AGBL4: variants seen among roughly 807,000 people sequenced by gnomAD.
AGBL4 encodes the protein cytosolic carboxypeptidase 6.
AGBL4 carries 58 observed loss-of-function variants against 66.4 expected under a neutral mutation model. The observed-to-expected ratio is 0.87, with a 90% CI of 0.71 to 1.09. The LOEUF (loss-of-function observed/expected upper bound fraction) is 1.09. AGBL4 is among the 50% of genes least tolerant of loss of function. AGBL4 has a pLI of 0.00. For missense variants in AGBL4, 579 were observed against 631.0 expected (o/e 0.92, Z 0.88); for synonymous variants, 234 against 222.9 (o/e 1.05, Z -0.44).
intron 3 of AGBL4, among the ~76,000 whole-genome samples, chr1:49,334,505 AC>A (rs1346833132): frequency 6.6e-6 from 1 of 152,234 alleles, no homozygotes; most frequent in African/African-American, 2.4e-5. Flanking sequence ...AATGGCAGGT[AC>A]TAAGAACTAC....
At chr1:48,757,305 CACT>C (rs1165899778) in intron 6 of AGBL4, among the ~76,000 whole-genome samples, 3 of 152,192 alleles carry the variant, frequency 2.0e-5, no homozygotes, top group African/African-American at 7.2e-5. Flanking sequence ...CCCCCATCAC[CACT>C]ACAAGAACAA....
intron 6 of AGBL4, among the ~76,000 whole-genome samples, chr1:48,735,333 C>A (rs1234203751): frequency 6.6e-6 from 1 of 152,002 alleles, no homozygotes; most frequent in South Asian, 2.1e-4. Flanking sequence ...GTGTCTTACC[C>A]CTCTTTGTGT....
At chr1:49,473,977 T>C (rs1278204063) in intron 3 of AGBL4, among the ~76,000 whole-genome samples, 1 of 152,072 alleles carries the variant, frequency 6.6e-6, no homozygotes, top group Admixed American at 6.6e-5. Flanking sequence ...TCTATTCAGT[T>C]ATGTTGATCT....
chr1:49,361,128 G>T (rs1245045019), intron 3 of AGBL4, among the ~76,000 whole-genome samples: 1 of 152,048 alleles, frequency 6.6e-6, no homozygotes, highest in Non-Finnish European at 1.5e-5. Flanking sequence ...TGAATAGTGG[G>T]TGTTTCACCT....
intron 3 of AGBL4, among the ~76,000 whole-genome samples, chr1:49,626,246 T>G (rs1156238430): frequency 6.6e-6 from 1 of 152,140 alleles, no homozygotes; most frequent in Admixed American, 6.5e-5. Context: ...TTTAGAAAGC[T>G]GTTACAGTGC....
chr1:49,729,925 G>A (rs1018282921), intron 2 of AGBL4, among the ~76,000 whole-genome samples: 1 of 152,150 alleles, frequency 6.6e-6, no homozygotes, highest in Admixed American at 6.5e-5. Context: ...AAAATGAGCT[G>A]AGCTGCCAGT....
At chr1:48,606,147 A>G (rs1645150720) in intron 9 of AGBL4, among the ~76,000 whole-genome samples, 1 of 152,062 alleles carries the variant, frequency 6.6e-6, no homozygotes, top group Non-Finnish European at 1.5e-5. Flanking sequence ...GGGAAATGAG[A>G]GATGAGAGAA....
At chr1:49,201,700 A>C (rs891884594) in intron 4 of AGBL4, among the ~76,000 whole-genome samples, 3 of 152,222 alleles carry the variant, frequency 2.0e-5, no homozygotes, top group Non-Finnish European at 4.4e-5. Context: ...TTGTTACCAA[A>C]TAAATTTGTT....
At chr1:49,763,895 G>A (rs1416678042) in intron 2 of AGBL4, among the ~76,000 whole-genome samples, 1 of 152,112 alleles carries the variant, frequency 6.6e-6, no homozygotes, top group Non-Finnish European at 1.5e-5. Flanking sequence ...CAGTCCTGAG[G>A]AGTGGCCAGA....
rs144469351 is a variant in AGBL4, at chr1:49,985,562, G to A, written c.34+38201C>T. ...TGCTTACTTGAGAAATTGATTTGTT[G>A]TTCTATAGATGAGAGATGGTTAAGA... is the stretch of plus-strand genomic sequence containing the variant. On this transcript the variant is annotated intron_variant, in intron 1 of 13. Coordinates refer to ENST00000371839, the MANE Select transcript of AGBL4 (RefSeq NM_032785.4). 4.3e-3 allele frequency among the ~76,000 whole-genome samples: 649 copies of A among 152,236 alleles called. 4 individuals are homozygous for A. Among genetic ancestry groups the A allele is most frequent in the Admixed American group, 0.014 (209 of 15,306 alleles).
intron 3 of AGBL4, among the ~76,000 whole-genome samples, chr1:49,603,709 C>A (rs1181406829): frequency 6.6e-6 from 1 of 151,896 alleles, no homozygotes; most frequent in African/African-American, 2.4e-5. Flanking sequence ...TTTCTACCTT[C>A]ACTCCCCTCC....
intron 4 of AGBL4, among the ~76,000 whole-genome samples, chr1:49,157,891 T>G (rs761709513): frequency 6.6e-6 from 1 of 152,242 alleles, no homozygotes; most frequent in Non-Finnish European, 1.5e-5. Flanking sequence ...TTGAGAAGTG[T>G]CTGTTCATAT....
chr1:48,773,705 G>A (rs1162222336), intron 6 of AGBL4, among the ~76,000 whole-genome samples: 1 of 152,148 alleles, frequency 6.6e-6, no homozygotes, highest in Non-Finnish European at 1.5e-5. Flanking sequence ...CTGCCAAGTG[G>A]GGGCCTGGCA....
intron 4 of AGBL4, among the ~76,000 whole-genome samples, chr1:49,162,829 A>G (rs1569888355): frequency 6.6e-6 from 1 of 152,186 alleles, no homozygotes; most frequent in African/African-American, 2.4e-5. Context: ...GTAAGCTGAT[A>G]TATATTTTAA....
At chr1:49,930,073 G>A (rs1294623942) in intron 1 of AGBL4, among the ~76,000 whole-genome samples, 3 of 151,862 alleles carry the variant, frequency 2.0e-5, no homozygotes, top group African/African-American at 4.8e-5. Flanking sequence ...TTCACATGGT[G>A]ATCAATAATA....
At chr1:49,424,234 C>G (rs12125425) in intron 3 of AGBL4, among the ~76,000 whole-genome samples, 12,098 of 152,142 alleles carry the variant, frequency 0.08, 715 homozygotes, top group East Asian at 0.15. Flanking sequence ...TCTGTCTATG[C>G]TTATGACGAA....
intron 3 of AGBL4, among the ~76,000 whole-genome samples, chr1:49,474,733 T>C (rs1319796964): frequency 6.6e-6 from 1 of 152,048 alleles, no homozygotes; most frequent in African/African-American, 2.4e-5. Flanking sequence ...AAAAAAGGTA[T>C]TGAAGAGTTT....
chr1:48,720,540 C>T (rs1435431648), intron 6 of AGBL4, among the ~76,000 whole-genome samples: 2 of 152,212 alleles, frequency 1.3e-5, no homozygotes, highest in Non-Finnish European at 2.9e-5. Context: ...CTCATTAAGT[C>T]AGTTTCCTCA....
intron 4 of AGBL4, among the ~76,000 whole-genome samples, chr1:49,121,806 G>A (rs1373280476): frequency 6.6e-6 from 1 of 152,226 alleles, no homozygotes; most frequent in Non-Finnish European, 1.5e-5. Context: ...GCTATGTCCT[G>A]CCCACAGAGG....
Sources: allele counts gnomAD v4.1 joint callset (sites outside exome capture counted in the v4.1 genomes callset), GRCh38; gene constraint gnomAD v4.1.1; transcripts MANE v1.5; gene names NCBI Gene and HGNC (gene_info 2026-07-23, HGNC 2026-07-21).